Variants in FBN3 observed in about 807,000 individuals in gnomAD.
FBN3 encodes the protein fibrillin-3.
Under a neutral mutation model 330.1 loss-of-function variants are expected in FBN3, and 234 were observed. The ratio of observed to expected loss-of-function variants is 0.71; its 90% CI spans 0.64 to 0.79. The LOEUF is 0.79. Ranked by LOEUF, FBN3 falls within the 30% of genes least tolerant of loss-of-function variation. The pLI is 0.00. For synonymous variants in FBN3, 1,458 were observed against 1,517.3 expected (o/e 0.96, Z 0.91); for missense variants, 3,606 against 3,886.9 (o/e 0.93, Z 1.92).
intron 30 of FBN3, among the ~76,000 whole-genome samples, chr19:8,112,498 A>C (rs2082612480): frequency 6.6e-6 from 1 of 152,088 alleles, no homozygotes; most frequent in South Asian, 2.1e-4. Context: ...TACAAAAAAA[A>C]AATTAGCCAG....
chr19:8,080,291 G>A (rs2081746579), intron 59 of FBN3, among the ~76,000 whole-genome samples: 1 of 152,230 alleles, frequency 6.6e-6, no homozygotes, highest in Non-Finnish European at 1.5e-5. Context: ...TCTGCCTTTG[G>A]GGAAGATTGT....
At chr19:8,092,683 C>G (rs924442401) in intron 47 of FBN3, among the ~76,000 whole-genome samples, 9 of 117,634 alleles carry the variant, frequency 7.7e-5, no homozygotes, top group African/African-American at 3.0e-4. Context: ...CCACTCCAGT[C>G]TGGGTGACAG....
At chr19:8,086,747 C>T (rs902831258) in intron 54 of FBN3, among the ~76,000 whole-genome samples, 3 of 151,084 alleles carry the variant, frequency 2.0e-5, no homozygotes, top group Non-Finnish European at 4.4e-5. Flanking sequence ...GGATTACAGG[C>T]GTGAGGCACC....
At position 8,087,967 on chromosome 19, in the gene FBN3, T is replaced by C; in HGVS notation, c.6497-20A>G. On this transcript the variant is annotated intron_variant, in intron 52 of 63. Coordinates refer to ENST00000600128, the MANE Select transcript of FBN3 (RefSeq NM_032447.5). ...CGATGTCTGGGGAGGCCAGTGGAGG[T>C]GCCAGCTGGGTAGGGACTGAGGGCG... 1 of 1,613,754 alleles carries C rather than the reference T, an allele frequency of 6.2e-7. No homozygotes were observed.
intron 46 of FBN3, 43 bp downstream of exon 46, chr19:8,095,332 A>T: frequency 6.3e-7 from 1 of 1,593,128 alleles, no homozygotes; most frequent in Non-Finnish European, 8.6e-7. Context: ...TACATGGAGC[A>T]GGGGCTGGCT....
intron 13 of FBN3, 26 bp downstream of exon 13, chr19:8,135,935 T>TTTCCC: frequency 7.4e-7 from 1 of 1,344,156 alleles, no homozygotes; most frequent in Non-Finnish European, 1.0e-6. Flanking sequence ...CGGAAGCCCC[T>TTTCCC]GCCCACCCGC....
chr19:8,095,485 GTAGTA>G lies in FBN3; in HGVS notation c.5670_5674del (p.Thr1891ProfsTer27). The G allele has an allele frequency of 6.2e-7, 1 of 1,613,600 alleles. No individual in the cohort carries two copies. The highest frequency in any genetic ancestry group is 8.5e-7 in the Non-Finnish European group (1 of 1,179,658). The stretch of plus-strand genomic sequence containing the variant: ...AAATCGGCACACCTGCCCCACCAGG[GTAGTA>G]CACTCATCAAAATCTGTAGAGGGGA... On this transcript the variant is annotated frameshift_variant, in exon 46 of 64. Transcript: ENST00000600128. LOFTEE classifies it high-confidence loss of function.
intron 30 of FBN3, among the ~76,000 whole-genome samples, chr19:8,112,389 G>A (rs1256779894): frequency 1.3e-5 from 2 of 152,186 alleles, no homozygotes; most frequent in Admixed American, 1.3e-4. Flanking sequence ...GCTCACGCCT[G>A]TAATCCCAGC....
chr19:8,111,076 C>T lies in FBN3; in HGVS notation c.4192G>A (p.Asp1398Asn), dbSNP rs952423533. ...ECEMGFDPTE[D>N]HRACQDVDEC... ...ACCTTACCCTGGCAGGCCCGGTGGT[C>T]CTCGGTGGGGTCAAAGCCCATCTCA... Residue 1398 changes from aspartate to asparagine, a missense_variant, in exon 33 of 64, where the codon GAC (aspartate) becomes AAC (asparagine). Coordinates refer to ENST00000600128, the MANE Select transcript of FBN3 (RefSeq NM_032447.5). 1 of 1,613,266 alleles carries T rather than the reference C, an allele frequency of 6.2e-7. No homozygotes were observed. The highest frequency in any genetic ancestry group is 2.2e-5 in the East Asian group (1 of 44,870).
intron 4 of FBN3, 80 bp from the exon 5 acceptor site, chr19:8,146,018 C>A (rs978890419): frequency 6.8e-7 from 1 of 1,480,528 alleles, no homozygotes; most frequent in Non-Finnish European, 9.2e-7. Flanking sequence ...CAGGACTAGG[C>A]ATGCTCAGCC....
rs780604991 is a variant in FBN3, at chr19:8,117,310, A to G, written c.3464-19T>C. 2.6e-6 allele frequency: 4 copies of G among 1,525,504 alleles called. No individual in the cohort carries two copies. In the South Asian group the frequency reaches 3.4e-5, roughly 13 times the overall value. The allele number at this position is 1,525,504 out of a possible 1,614,324, so 94.5% of individuals were successfully genotyped here. A position where few individuals can be genotyped will look rare whatever the true frequency, so the allele number is the denominator to read the frequency against. ...TTGATGTCTGCAGGATGCAGGGCAG[A>G]CAGGGGCTGGGGCTGGGGGGAGGGG... On this transcript the variant is annotated intron_variant, in intron 27 of 63. Coordinates refer to ENST00000600128, the MANE Select transcript of FBN3 (RefSeq NM_032447.5).
intron 18 of FBN3, 30 bp from the exon 19 acceptor site, chr19:8,126,862 A>G (rs2083002295): frequency 1.3e-6 from 2 of 1,519,648 alleles, no homozygotes; most frequent in African/African-American, 1.4e-5. Context: ...CCAGGTCCTG[A>G]GCTGCAGGAG....
intron 30 of FBN3, 83 bp downstream of exon 30, chr19:8,115,432 C>T (rs1251808860): frequency 4.7e-6 from 7 of 1,502,684 alleles, no homozygotes; most frequent in Admixed American, 1.8e-5. Context: ...TGTGCTCTGC[C>T]CTGGGGGATG....
chr19:8,148,998 C>G (rs1467809157), intron 1 of FBN3: 1 of 152,444 alleles, frequency 6.6e-6, no homozygotes, highest in African/African-American at 2.4e-5. Context: ...TCGGTCCCCC[C>G]TACACACCGC....
At chr19:8,090,925 C>T (rs901973813) in intron 48 of FBN3, among the ~76,000 whole-genome samples, 8 of 152,170 alleles carry the variant, frequency 5.3e-5, no homozygotes, top group African/African-American at 1.7e-4. Flanking sequence ...CGACTGATTC[C>T]AGAAAGCCCG....
rs1568372246 is a variant in FBN3 at position 8,086,447 on chromosome 19, T to TTA, written c.6755-123_6755-122insTA. 1,037 of 326,468 alleles carry TTA rather than the reference T, an allele frequency of 3.2e-3. 10 individuals are homozygous for TTA. The highest frequency in any genetic ancestry group is 0.024 in the African/African-American group (971 of 40,156). 20.2% of individuals were successfully genotyped at this position (326,468 alleles called of 1,614,324 possible). A position where few individuals can be genotyped will look rare whatever the true frequency, so the allele number is the denominator to read the frequency against. On this transcript the variant is annotated intron_variant, in intron 54 of 63. Transcript: ENST00000600128. ...CTTGCTTATTTTTATTTTATTTATT[T>TTA]TTATTATTATTATTATTATTATTTT...
In FBN3 at chr19:8,096,753, C is replaced by G. The variant is rs1343052020; in HGVS notation, c.5413+128G>C. ...CTATCACATCCTATTAACAGACACT[C>G]TCAATACATCCCCCACCCCCCTAAT... On this transcript the variant is annotated intron_variant, in intron 43 of 63. Transcript: ENST00000600128. This position sits in a 1 kb window ranked among gnomAD's most constrained non-coding sequence, Gnocchi z 4.6. 1 of 1,307,728 alleles carries G rather than the reference C, an allele frequency of 7.6e-7. No homozygotes were observed. Among genetic ancestry groups the G allele is most frequent in the Non-Finnish European group, 1.1e-6 (1 of 945,932 alleles). The allele number at this position is 1,307,728 out of a possible 1,614,324, so 81.0% of individuals were successfully genotyped here. A position where few individuals can be genotyped will look rare whatever the true frequency, so the allele number is the denominator to read the frequency against.
chr19:8,094,412 G>C (rs377453670), intron 47 of FBN3, 34 bp downstream of exon 47: 2 of 1,583,316 alleles, frequency 1.3e-6, no homozygotes, highest in Non-Finnish European at 1.7e-6. Flanking sequence ...GGCACTCCCT[G>C]GCGCCAGAAA....
At position 8,126,205 on chromosome 19, in the gene FBN3, G is replaced by A. The variant is rs546153914; in HGVS notation, c.2605+92C>T. 234 of 1,461,954 alleles carry A rather than the reference G, an allele frequency of 1.6e-4. No individual in the cohort carries two copies. In the African/African-American group the frequency reaches 2.9e-3, roughly 18 times the overall value. The allele number at this position is 1,461,954 out of a possible 1,614,324, so 90.6% of individuals were successfully genotyped here. A position where few individuals can be genotyped will look rare whatever the true frequency, so the allele number is the denominator to read the frequency against. Reference sequence around the variant, plus strand: ...TGTCCCCATCGCAAAAGACTCCAGGGCGGGGCCGGAGGTGGCACCCATGAG... The same window carrying A: ...TGTCCCCATCGCAAAAGACTCCAGGACGGGGCCGGAGGTGGCACCCATGAG... On this transcript the variant is annotated intron_variant, in intron 21 of 63. Coordinates refer to ENST00000600128, the MANE Select transcript of FBN3 (RefSeq NM_032447.5).
Sources: allele counts gnomAD v4.1 joint callset (sites outside exome capture counted in the v4.1 genomes callset), GRCh38; gene constraint gnomAD v4.1.1; non-coding constraint Gnocchi (gnomAD v3.1); transcripts MANE v1.5; gene names NCBI Gene and HGNC (gene_info 2026-07-23, HGNC 2026-07-21).